DNAAF11: variants seen among roughly 807,000 people sequenced by gnomAD.
DNAAF11 encodes the protein dynein axonemal assembly factor 11.
Under a neutral mutation model 60.8 loss-of-function variants are expected in DNAAF11, and 45 were observed. The observed-to-expected ratio is 0.74, with a 90% CI of 0.58 to 0.95. DNAAF11 has a LOEUF of 0.95. Ranked by LOEUF, DNAAF11 falls within the 40% of genes least tolerant of loss-of-function variation. The probability of loss-of-function intolerance (pLI) is 0.00; values close to 1 mark genes in which losing one functional copy is unlikely to be tolerated. For missense variants in DNAAF11, 546 were observed against 546.2 expected, an observed-to-expected ratio of 1.00 and a Z score of 0.00; for synonymous variants, 191 against 183.5, an observed-to-expected ratio of 1.04 and a Z score of -0.33.
chr8:132,618,438 T>C (rs1819408324), intron 7 of DNAAF11, among the ~76,000 whole-genome samples: 1 of 99,276 alleles, frequency 1.0e-5, no homozygotes, highest in South Asian at 4.3e-4. Context: ...AAAGCCAAAA[T>C]TGACAAATGG....
intron 11 of DNAAF11, among the ~76,000 whole-genome samples, chr8:132,575,312 C>A (rs1814626332): frequency 6.6e-6 from 1 of 152,216 alleles, no homozygotes; most frequent in Admixed American, 6.5e-5. Context: ...TAGAGAAGTG[C>A]CAGAAACACA....
intron 2 of DNAAF11, among the ~76,000 whole-genome samples, chr8:132,660,136 C>T (rs757890591): frequency 6.6e-6 from 1 of 152,192 alleles, no homozygotes; most frequent in Non-Finnish European, 1.5e-5. Flanking sequence ...TCTGCTCCTA[C>T]CTTCATTTGG....
chr8:132,613,742 T>G (rs1818883165), intron 8 of DNAAF11, among the ~76,000 whole-genome samples: 1 of 152,234 alleles, frequency 6.6e-6, no homozygotes, highest in Admixed American at 6.5e-5. Flanking sequence ...GGGCTGATGT[T>G]CTGGCTCCTT....
chr8:132,581,032 C>A (rs555002775), intron 11 of DNAAF11, among the ~76,000 whole-genome samples: 2 of 152,258 alleles, frequency 1.3e-5, no homozygotes, highest in African/African-American at 4.8e-5. Context: ...ACAGAGGTGG[C>A]CTTCGTAACA....
At chr8:132,601,225 C>A (rs889644394) in intron 10 of DNAAF11, among the ~76,000 whole-genome samples, 31 of 152,094 alleles carry the variant, frequency 2.0e-4, no homozygotes, top group African/African-American at 5.1e-4. Flanking sequence ...ACAATGAGAT[C>A]CCATCTCACA....
chr8:132,624,964 C>T (rs1820103279), intron 6 of DNAAF11, among the ~76,000 whole-genome samples: 1 of 151,974 alleles, frequency 6.6e-6, no homozygotes, highest in South Asian at 2.1e-4. Context: ...TTTTTCTAGG[C>T]TAGAAATACT....
Position 132,650,743 on chromosome 8 carries a change from G to A in DNAAF11, c.256+6087C>T, listed in dbSNP as rs12235014. 7.2e-5 allele frequency among the ~76,000 whole-genome samples: 11 copies of A among 152,268 alleles called. No homozygotes were observed. The East Asian group carries it at 1.7e-3, about 24-fold the overall frequency. On this transcript the variant is annotated intron_variant, in intron 3 of 11. Coordinates refer to ENST00000620350, the MANE Select transcript of DNAAF11 (RefSeq NM_012472.6). Reference sequence around the variant, plus strand: ...TTTGGGGTAATCTGACTTAAGATAGGTTAGGTGGCATTTCTTAAGTTTAAT... The same window carrying A: ...TTTGGGGTAATCTGACTTAAGATAGATTAGGTGGCATTTCTTAAGTTTAAT...
At chr8:132,662,885 G>C (rs892505714) in intron 1 of DNAAF11, among the ~76,000 whole-genome samples, 8 of 152,202 alleles carry the variant, frequency 5.3e-5, no homozygotes, top group African/African-American at 1.7e-4. Context: ...ATCCTTAAAA[G>C]TGGAATTTGC....
the DNAAF11 span, among the ~76,000 whole-genome samples, chr8:132,700,227 T>C: frequency 6.6e-6 from 1 of 152,158 alleles, no homozygotes; most frequent in Non-Finnish European, 1.5e-5. Context: ...AAGGAGAGAT[T>C]GTTGGGAAAG....
chr8:132,572,587 T>C (rs565556881), intron 11 of DNAAF11, 107 bp from the exon 12 acceptor site: 126 of 696,252 alleles, frequency 1.8e-4, no homozygotes, highest in Non-Finnish European at 2.8e-4. Context: ...GCAAGTAATA[T>C]GCCTGGAGCA....
upstream of DNAAF11, chr8:132,675,593 C>T (rs1825724255): frequency 4.6e-6 from 6 of 1,296,872 alleles, no homozygotes; most frequent in Non-Finnish European, 6.3e-6. Flanking sequence ...CGTCGGAATT[C>T]AGGAGCCATG....
the DNAAF11 span, among the ~76,000 whole-genome samples, chr8:132,688,628 G>A: frequency 2.0e-5 from 3 of 152,170 alleles, no homozygotes; most frequent in Non-Finnish European, 4.4e-5. Context: ...TCCTGAGGTT[G>A]TTGGCAGCTC....
At chr8:132,675,799 G>A (rs1258537390), upstream of DNAAF11, among the ~76,000 whole-genome samples, 1 of 152,220 alleles carries the variant, frequency 6.6e-6, no homozygotes, top group Non-Finnish European at 1.5e-5. Flanking sequence ...GGTTTAGAGT[G>A]AACAAAGTAT....
intron 10 of DNAAF11, among the ~76,000 whole-genome samples, chr8:132,607,567 T>C (rs936076269): frequency 6.6e-6 from 1 of 152,198 alleles, no homozygotes; most frequent in Non-Finnish European, 1.5e-5. Flanking sequence ...TCCAGCCTCA[T>C]TTAGGAGTAA....
chr8:132,700,203 T>C, the DNAAF11 span, among the ~76,000 whole-genome samples: 1 of 152,186 alleles, frequency 6.6e-6, no homozygotes, highest in Non-Finnish European at 1.5e-5. Context: ...ATAAATGTGT[T>C]CTGACTAACT....
At chr8:132,678,748 T>A (rs1825824188), upstream of DNAAF11, among the ~76,000 whole-genome samples, 1 of 150,282 alleles carries the variant, frequency 6.7e-6, no homozygotes, top group Admixed American at 6.6e-5. Context: ...TAAATTTTTA[T>A]ATAAAAATAA....
At chr8:132,633,162 A>C (rs1173521639) in intron 4 of DNAAF11, among the ~76,000 whole-genome samples, 199 bp from the exon 5 acceptor site, 1 of 152,164 alleles carries the variant, frequency 6.6e-6, no homozygotes, top group Non-Finnish European at 1.5e-5. Context: ...AAATACCTTT[A>C]CTAGTAATAA....
intron 4 of DNAAF11, among the ~76,000 whole-genome samples, chr8:132,634,099 A>G (rs1821063625): frequency 6.6e-6 from 1 of 152,216 alleles, no homozygotes; most frequent in South Asian, 2.1e-4. Context: ...AAATTATTAG[A>G]ATCAGCTGAA....
intron 5 of DNAAF11, among the ~76,000 whole-genome samples, chr8:132,629,832 A>G (rs1820632569): frequency 6.6e-6 from 1 of 152,202 alleles, no homozygotes; most frequent in African/African-American, 2.4e-5. Flanking sequence ...GATTAACACA[A>G]TATCAGTATA....
Sources: allele counts gnomAD v4.1 joint callset (sites outside exome capture counted in the v4.1 genomes callset), GRCh38; gene constraint gnomAD v4.1.1; transcripts MANE v1.5; gene names NCBI Gene and HGNC (gene_info 2026-07-23, HGNC 2026-07-21).